Variants in SPSB1 observed in about 807,000 individuals in gnomAD.
SPSB1 encodes SPRY domain-containing SOCS box protein 1.
Under a neutral mutation model 21.2 loss-of-function variants are expected in SPSB1, and 8 were observed. The ratio of observed to expected loss-of-function variants is 0.38; its 90% confidence interval spans 0.22 to 0.68. The LOEUF is 0.68. Ranked by LOEUF, SPSB1 falls within the 30% of genes least tolerant of loss-of-function variation. The pLI, the probability that SPSB1 is intolerant of heterozygous loss-of-function variation, is 0.53. For missense variants in SPSB1, 242 were observed against 377.8 expected (o/e 0.64, Z 2.98); for synonymous variants, 169 against 161.7 (o/e 1.05, Z -0.34).
Position 9,369,522 on chromosome 1 carries a change from A to C in SPSB1, c.*1947A>C, listed in dbSNP as rs1640629048. On this transcript the variant is annotated 3_prime_UTR_variant, in exon 3 of 3. Coordinates refer to ENST00000328089, the MANE Select transcript of SPSB1 (RefSeq NM_025106.4). ...GTAACCTAATAAAGGAACGTTTGTTAAAATATCAAACCATTTTTGAATTCC... is the reference window on the plus strand; with the variant it reads ...GTAACCTAATAAAGGAACGTTTGTTCAAATATCAAACCATTTTTGAATTCC... The C allele has an allele frequency of 6.6e-6, 1 of 152,218 alleles. No individual in the cohort carries two copies. Among genetic ancestry groups the C allele is most frequent in the Non-Finnish European group, 1.5e-5 (1 of 68,046 alleles). The allele number at this position is 152,218 out of a possible 1,614,324, so 9.4% of individuals were successfully genotyped here. A position where few individuals can be genotyped will look rare whatever the true frequency, so the allele number is the denominator to read the frequency against.
In SPSB1 at chr1:9,324,183, C is replaced by T. The variant is rs868850623; in HGVS notation, c.-150+31112C>T. ...CTGGTAGATAATCACTGGTTTTTCT[C>T]ATCCGGCAAGTGGACACCTCTGACG... On this transcript the variant is annotated intron_variant, in intron 1 of 2. Coordinates refer to ENST00000328089, the MANE Select transcript of SPSB1 (RefSeq NM_025106.4). The surrounding 1 kb of genome is among the most constrained non-coding windows in gnomAD (Gnocchi z 4.3). 1.3e-5 allele frequency among the ~76,000 whole-genome samples: 2 copies of T among 152,186 alleles called. No homozygotes were observed. Among genetic ancestry groups the T allele is most frequent in the South Asian group, 2.1e-4 (1 of 4,828 alleles).
At chr1:9,325,673 CAG>C (rs1639806192) in intron 1 of SPSB1, among the ~76,000 whole-genome samples, 1 of 152,162 alleles carries the variant, frequency 6.6e-6, no homozygotes, top group African/African-American at 2.4e-5. Context: ...TGTGTTCTCA[CAG>C]GGGACGGGTC....
intron 1 of SPSB1, among the ~76,000 whole-genome samples, chr1:9,314,594 A>G (rs796896502): frequency 5.3e-5 from 8 of 152,308 alleles, no homozygotes; most frequent in African/African-American, 1.9e-4. Flanking sequence ...AAATCACACA[A>G]AGAATTGCAG....
intron 1 of SPSB1, among the ~76,000 whole-genome samples, chr1:9,319,684 C>T (rs973230888): frequency 6.6e-6 from 1 of 152,150 alleles, no homozygotes; most frequent in Non-Finnish European, 1.5e-5. Flanking sequence ...CAAGCCTGCT[C>T]GTCTGGCCCG....
chr1:9,302,495 G>A (rs527809994), intron 1 of SPSB1, among the ~76,000 whole-genome samples: 10 of 152,312 alleles, frequency 6.6e-5, no homozygotes, highest in South Asian at 2.1e-4. Context: ...CCAGTCAGCC[G>A]GGGGCCTGGA....
chr1:9,355,531 G>A (rs929378183), intron 1 of SPSB1, among the ~76,000 whole-genome samples: 6 of 152,258 alleles, frequency 3.9e-5, no homozygotes, highest in Non-Finnish European at 8.8e-5. Context: ...ACAGTCGGCC[G>A]CGTGGACAGA....
chr1:9,335,501 CAA>C (rs61620058), intron 1 of SPSB1, among the ~76,000 whole-genome samples: 94 of 139,474 alleles, frequency 6.7e-4, no homozygotes, highest in Non-Finnish European at 7.9e-4. Flanking sequence ...GTCTCTGTCT[CAA>C]AAAAAAAAAA....
At position 9,369,048 on chromosome 1, in the gene SPSB1, A is replaced by G. The variant is rs1640621939; in HGVS notation, c.*1473A>G. 1.3e-5 allele frequency: 2 copies of G among 152,582 alleles called. No homozygotes were observed. The highest frequency in any genetic ancestry group is 6.5e-5 in the Admixed American group (1 of 15,280). 9.5% of individuals were successfully genotyped at this position (152,582 alleles called of 1,614,324 possible). On this transcript the variant is annotated 3_prime_UTR_variant, in exon 3 of 3. Coordinates refer to ENST00000328089, the MANE Select transcript of SPSB1 (RefSeq NM_025106.4). ...TTTAAAATGTTTAATATATATACAT[A>G]CATATATATATATTTGTCTGTAAGA...
chr1:9,355,013 A>C (rs1336612047), intron 1 of SPSB1, among the ~76,000 whole-genome samples: 8 of 152,272 alleles, frequency 5.3e-5, no homozygotes, highest in Middle Eastern at 3.4e-3. Flanking sequence ...CTTCTAGTTG[A>C]AGGGTGTGGG....
chr1:9,294,206 G>C (rs1639170536), intron 1 of SPSB1, among the ~76,000 whole-genome samples: 1 of 151,958 alleles, frequency 6.6e-6, no homozygotes, highest in African/African-American at 2.4e-5. Context: ...CTGTGTCTTT[G>C]TGTCTGTGTG....
chr1:9,304,743 G>A (rs945415924), intron 1 of SPSB1, among the ~76,000 whole-genome samples: 4 of 152,098 alleles, frequency 2.6e-5, no homozygotes, highest in Admixed American at 1.3e-4. Context: ...CCAAGTGGAC[G>A]TGTCCAGATG....
At chr1:9,347,943 C>CATT (rs1640190467) in intron 1 of SPSB1, among the ~76,000 whole-genome samples, 1 of 132,436 alleles carries the variant, frequency 7.6e-6, no homozygotes. Flanking sequence ...TTCCCTGCAA[C>CATT]TTTTTTTTTT....
intron 1 of SPSB1, among the ~76,000 whole-genome samples, chr1:9,330,296 C>T (rs1000677779): frequency 6.6e-6 from 1 of 152,042 alleles, no homozygotes; most frequent in Non-Finnish European, 1.5e-5. Context: ...GGTGAAACCC[C>T]GTCTCTACTA....
chr1:9,341,591 C>T (rs542008211), intron 1 of SPSB1, among the ~76,000 whole-genome samples: 98 of 152,350 alleles, frequency 6.4e-4, no homozygotes, highest in Non-Finnish European at 1.2e-4. Flanking sequence ...CTGCCGGTGA[C>T]ATCTTGTCCA....
intron 1 of SPSB1, among the ~76,000 whole-genome samples, chr1:9,352,634 GCTCCCTCCTC>G (rs1426710644): frequency 6.6e-6 from 1 of 151,830 alleles, no homozygotes; most frequent in East Asian, 1.9e-4. Flanking sequence ...TAGCCTGAGA[GCTCCCTCCTC>G]CTCCCTCCTC....
chr1:9,298,647 A>G (rs1639266563), intron 1 of SPSB1, among the ~76,000 whole-genome samples: 1 of 152,230 alleles, frequency 6.6e-6, no homozygotes, highest in South Asian at 2.1e-4. Flanking sequence ...CTGAACTGAT[A>G]CTGATTCCAG....
rs756729667 is a variant in SPSB1 at position 9,346,073 on chromosome 1, G to T, written c.-149-9670G>T. ...GAGGGAGCACAGAACCCCAGTGAGC[G>T]GGCAGAGCCCAGGCAGCGGCTGAGC... On this transcript the variant is annotated intron_variant, in intron 1 of 2. Coordinates refer to ENST00000328089, the MANE Select transcript of SPSB1 (RefSeq NM_025106.4). The surrounding 1 kb of genome is among the most constrained non-coding windows in gnomAD (Gnocchi z 4.4). 1.3e-5 allele frequency among the ~76,000 whole-genome samples: 2 copies of T among 152,202 alleles called. No homozygotes were observed. Among genetic ancestry groups the T allele is most frequent in the African/African-American group, 4.8e-5 (2 of 41,444 alleles).
At chr1:9,307,865 G>C (rs1173499424) in intron 1 of SPSB1, among the ~76,000 whole-genome samples, 1 of 152,104 alleles carries the variant, frequency 6.6e-6, no homozygotes, top group African/African-American at 2.4e-5. Flanking sequence ...TGGTCTTCGG[G>C]GTGCGCGTGG....
chr1:9,359,516 A>G (rs1474542825), intron 2 of SPSB1, among the ~76,000 whole-genome samples: 1 of 152,132 alleles, frequency 6.6e-6, no homozygotes, highest in Non-Finnish European at 1.5e-5. Context: ...AGCCTGGCCA[A>G]CATGGTGAAA....
Sources: gnomAD v4.1 joint callset for allele counts (sites outside exome capture counted in the v4.1 genomes callset) on GRCh38, gnomAD v4.1.1 for gene constraint, Gnocchi (gnomAD v3.1) non-coding constraint, MANE v1.5 for transcripts, NCBI Gene and HGNC (gene_info 2026-07-23, HGNC 2026-07-21) for gene names.